Variants in ATG7 observed in about 807,000 individuals in gnomAD.
ATG7 encodes the protein ubiquitin-like modifier-activating enzyme ATG7.
In ATG7, 70 loss-of-function variants were observed where a neutral mutation model predicts 82.4. The observed-to-expected ratio is 0.85, with a 90% CI of 0.70 to 1.04. The LOEUF (loss-of-function observed/expected upper bound fraction) is 1.04. ATG7 is among the 50% of genes least tolerant of loss of function. ATG7 has a pLI of 0.00. For synonymous variants in ATG7, 287 were observed against 313.0 expected (o/e 0.92, Z 0.88); for missense variants, 792 against 864.3 (o/e 0.92, Z 1.05).
chr3:11,429,900 C>T (rs897508246), intron 20 of ATG7, among the ~76,000 whole-genome samples: 3 of 145,658 alleles, frequency 2.1e-5, no homozygotes, highest in Admixed American at 7.0e-5. Flanking sequence ...GAGCTGAAAT[C>T]GCGCGACTGA....
intron 20 of ATG7, among the ~76,000 whole-genome samples, chr3:11,499,192 G>A (rs1318787287): frequency 1.3e-5 from 2 of 152,192 alleles, no homozygotes; most frequent in Admixed American, 6.5e-5. Context: ...AATGGGCTGT[G>A]TGCTCCTGTT....
intron 20 of ATG7, among the ~76,000 whole-genome samples, chr3:11,520,267 G>C (rs559565705): frequency 6.6e-6 from 1 of 152,270 alleles, no homozygotes; most frequent in East Asian, 1.9e-4. Flanking sequence ...TCTACCATGA[G>C]TGGCAAGCCC....
At chr3:11,406,113 C>T (rs1018553737) in intron 19 of ATG7, among the ~76,000 whole-genome samples, 4 of 151,982 alleles carry the variant, frequency 2.6e-5, no homozygotes, top group African/African-American at 9.7e-5. Context: ...CCTCAGTCTC[C>T]CAAGTGGCTG....
intron 3 of ATG7, among the ~76,000 whole-genome samples, chr3:11,282,681 A>G (rs1209298336): frequency 1.3e-5 from 2 of 152,238 alleles, no homozygotes; most frequent in Non-Finnish European, 2.9e-5. Flanking sequence ...ATCTTCCGGT[A>G]GAGCCTACTC....
chr3:11,528,615 C>G (rs913685149), intron 20 of ATG7, among the ~76,000 whole-genome samples: 4 of 152,040 alleles, frequency 2.6e-5, no homozygotes, highest in Non-Finnish European at 5.9e-5. Context: ...TCCACAAGGT[C>G]AGGAGTTTGA....
chr3:11,484,541 CTTTTTCTTTTA>C (rs1050562625), intron 20 of ATG7, among the ~76,000 whole-genome samples: 26 of 152,196 alleles, frequency 1.7e-4, no homozygotes, highest in African/African-American at 6.3e-4. Context: ...AGGATATTTT[CTTTTTCTTTTA>C]TTTTATTATT....
chr3:11,284,210 A>G (rs1943554471), intron 3 of ATG7, among the ~76,000 whole-genome samples: 1 of 152,136 alleles, frequency 6.6e-6, no homozygotes, highest in Non-Finnish European at 1.5e-5. Flanking sequence ...AAAATATCCT[A>G]CACTTCTTCA....
rs996743747 is a variant in ATG7 at position 11,466,572 on chromosome 3, G to T, written c.2079+39646G>T. Among the ~76,000 whole-genome samples, 4 of 152,192 alleles carry T rather than the reference G, an allele frequency of 2.6e-5. 1 individual carries two copies. The highest frequency in any genetic ancestry group is 9.7e-5 in the African/African-American group (4 of 41,440). On this transcript the variant is annotated intron_variant, in intron 20 of 20. Coordinates refer to ENST00000693202, the MANE Select transcript of ATG7 (RefSeq NM_001349232.2). ...AAAGCACTGTAGTCACAGGCACGAG[G>T]CCTAGACTACAGCGTCGGTGCTTAT...
chr3:11,330,605 G>A (rs1951508173), intron 9 of ATG7, among the ~76,000 whole-genome samples: 1 of 152,114 alleles, frequency 6.6e-6, no homozygotes, highest in Admixed American at 6.6e-5. Context: ...ATGTGTCCAA[G>A]GAGCCCCGAT....
intron 19 of ATG7, among the ~76,000 whole-genome samples, chr3:11,397,741 AC>A (rs376992218): frequency 1 from 150,419 of 150,426 alleles, 75,206 homozygotes; most frequent in Non-Finnish European, 1. Context: ...ACAGGCGTGC[AC>A]CCACGCCCAG....
intron 19 of ATG7, among the ~76,000 whole-genome samples, chr3:11,419,563 C>CA (rs113870778): frequency 0.017 from 2,549 of 150,362 alleles, 68 homozygotes; most frequent in African/African-American, 0.058. Flanking sequence ...TCAAAACAAA[C>CA]AAAAAAAAAC....
chr3:11,401,997 G>C (rs997398048), intron 19 of ATG7, among the ~76,000 whole-genome samples: 2 of 152,130 alleles, frequency 1.3e-5, no homozygotes, highest in African/African-American at 4.8e-5. Flanking sequence ...TAAGTACACA[G>C]ATGTTAAGTG....
chr3:11,571,426 G>A, the ATG7 span, among the ~76,000 whole-genome samples: 1 of 152,206 alleles, frequency 6.6e-6, no homozygotes, highest in Non-Finnish European at 1.5e-5. Flanking sequence ...ACTCACGCCT[G>A]TAATCCCAGC....
the ATG7 span, among the ~76,000 whole-genome samples, chr3:11,571,452 C>T: frequency 6.6e-6 from 1 of 151,910 alleles, no homozygotes; most frequent in Non-Finnish European, 1.5e-5. Flanking sequence ...GGGAGGCCAA[C>T]GTAGGTGGAC....
rs554828522 is a variant in ATG7 at position 11,447,327 on chromosome 3, TGTG to T, written c.2079+20406_2079+20408del. On this transcript the variant is annotated intron_variant, in intron 20 of 20. Coordinates refer to ENST00000693202, the MANE Select transcript of ATG7 (RefSeq NM_001349232.2). Reference sequence around the variant, plus strand: ...AAAAATATAGAAAAAATTAGCCTGGTGTGGTGGCAGGCATCTGTAATCCCAACT... The same window carrying T: ...AAAAATATAGAAAAAATTAGCCTGGTGTGGCAGGCATCTGTAATCCCAACT... Among the ~76,000 whole-genome samples, 7 of 152,004 alleles carry T rather than the reference TGTG, an allele frequency of 4.6e-5. No individual in the cohort carries two copies. In the South Asian group the frequency reaches 1.5e-3, roughly 32 times the overall value.
chr3:11,275,008 G>A (rs374977690), intron 1 of ATG7, among the ~76,000 whole-genome samples: 1 of 151,906 alleles, frequency 6.6e-6, no homozygotes, highest in Non-Finnish European at 1.5e-5. Flanking sequence ...GACCAGTTGG[G>A]TATAGTTGCA....
intron 20 of ATG7, among the ~76,000 whole-genome samples, chr3:11,529,972 C>T (rs773516205): frequency 3.3e-4 from 50 of 152,280 alleles, no homozygotes; most frequent in Admixed American, 7.2e-4. Flanking sequence ...CCAGAGACTT[C>T]CTTCTCACTC....
intron 18 of ATG7, 110 bp downstream of exon 18, chr3:11,364,844 C>A: frequency 8.7e-7 from 1 of 1,149,332 alleles, no homozygotes; most frequent in Non-Finnish European, 1.3e-6. Flanking sequence ...CCTACTTACC[C>A]TGCAGCTGGG....
rs549223562 is a variant in ATG7 at position 11,454,364 on chromosome 3, A to G, written c.2079+27438A>G. Among the ~76,000 whole-genome samples, 68 of 152,310 alleles carry G rather than the reference A, an allele frequency of 4.5e-4. 1 individual carries two copies. The highest frequency in any genetic ancestry group is 1.5e-3 in the African/African-American group (64 of 41,560). The stretch of plus-strand genomic sequence containing the variant: ...GGGTCAGAAATGGGCACATGACCCA[A>G]TCTTAACCAATGAGGTATGATGAAA... On this transcript the variant is annotated intron_variant, in intron 20 of 20. Coordinates refer to ENST00000693202, the MANE Select transcript of ATG7 (RefSeq NM_001349232.2).
Sources: gnomAD v4.1 joint callset for allele counts (sites outside exome capture counted in the v4.1 genomes callset) on GRCh38, gnomAD v4.1.1 for gene constraint, MANE v1.5 for transcripts, NCBI Gene and HGNC (gene_info 2026-07-23, HGNC 2026-07-21) for gene names.